The following SETD2 variants were observed in gnomAD, a reference collection of about 807,000 sequenced individuals.
SETD2 encodes the protein histone-lysine N-methyltransferase SETD2.
A neutral mutation model predicts 242.1 loss-of-function variants in SETD2; 31 were observed. The ratio of observed to expected loss-of-function variants is 0.13; its 90% CI spans 0.10 to 0.17. The LOEUF (loss-of-function observed/expected upper bound fraction) is 0.17. SETD2 is among the 10% of genes least tolerant of loss of function. The probability of loss-of-function intolerance (pLI) is 1.00; values close to 1 mark genes in which losing one functional copy is unlikely to be tolerated. For synonymous variants in SETD2, 1,006 were observed against 1,066.5 expected (o/e 0.94, Z 1.11); for missense variants, 2,481 against 3,046.3 (o/e 0.81, Z 4.37).
intron 18 of SETD2, among the ~76,000 whole-genome samples, chr3:47,033,653 T>C (rs2038875246): frequency 9.8e-5 from 1 of 10,160 alleles, no homozygotes; most frequent in African/African-American, 1.4e-4. Context: ...CATGGTTTGA[T>C]TTTTTTTTTT....
intron 15 of SETD2, among the ~76,000 whole-genome samples, chr3:47,056,491 G>A (rs1286995005): frequency 1.3e-5 from 2 of 152,086 alleles, no homozygotes; most frequent in Non-Finnish European, 2.9e-5. Context: ...TGGGAGAAAT[G>A]GAGGCCTGCT....
intron 12 of SETD2, among the ~76,000 whole-genome samples, chr3:47,072,402 G>T (rs1279854820): frequency 6.6e-6 from 1 of 151,938 alleles, no homozygotes; most frequent in Admixed American, 6.6e-5. Flanking sequence ...ATTTATTTTT[G>T]AAAACTAAGA....
At chr3:47,063,733 C>T (rs1186342352) in intron 13 of SETD2, among the ~76,000 whole-genome samples, 1 of 152,084 alleles carries the variant, frequency 6.6e-6, no homozygotes, top group Non-Finnish European at 1.5e-5. Context: ...GCTTGTAATC[C>T]CAGCACTTTG....
chr3:47,031,828 A>G (rs768117351), intron 18 of SETD2, among the ~76,000 whole-genome samples: 1 of 152,218 alleles, frequency 6.6e-6, no homozygotes, highest in Non-Finnish European at 1.5e-5. Flanking sequence ...AGTTAAACTG[A>G]GAAAAAATAA....
chr3:47,089,160 G>A (rs1395085825), intron 9 of SETD2, among the ~76,000 whole-genome samples: 2 of 152,168 alleles, frequency 1.3e-5, no homozygotes, highest in Non-Finnish European at 2.9e-5. Flanking sequence ...AAACAGGCAA[G>A]GATGACCGGG....
intron 1 of SETD2, among the ~76,000 whole-genome samples, chr3:47,156,494 G>A (rs1344974722): frequency 6.6e-6 from 1 of 152,144 alleles, no homozygotes; most frequent in African/African-American, 2.4e-5. Context: ...GTCAATAAAA[G>A]GAGAATGGTA....
chr3:47,127,377 C>A (rs763934277), intron 1 of SETD2, among the ~76,000 whole-genome samples: 1 of 149,900 alleles, frequency 6.7e-6, no homozygotes, highest in African/African-American at 2.4e-5. Flanking sequence ...CCTGAAGAGA[C>A]GATTCGTTTT....
chr3:47,121,788 G>A lies in SETD2; in HGVS notation c.2848C>T (p.Arg950Cys), dbSNP rs372092336. The A allele has an allele frequency of 3.0e-5, 49 of 1,613,890 alleles. No individual in the cohort carries two copies. The highest frequency in any genetic ancestry group is 1.5e-4 in the African/African-American group (11 of 74,950). Residue 950 changes from arginine to cysteine, a missense_variant, in exon 3 of 21, where the codon CGT becomes TGT. By Grantham distance (180) the Arg-to-Cys change is radical (BLOSUM62 -3). Transcript: ENST00000409792. The stretch of plus-strand genomic sequence containing the variant: ...CATTTCCCAGATAACCCATTATTAC[G>A]CCTGTTCTCCCTGGAAGCAAATCCC... ...GKGFASRENR[R>C]NNGLSGKCLQ...
chr3:47,125,213 G>T (rs1040762545), intron 2 of SETD2, among the ~76,000 whole-genome samples: 1 of 152,038 alleles, frequency 6.6e-6, no homozygotes, highest in African/African-American at 2.4e-5. Context: ...CAGCTACTTG[G>T]GAGGCTGAGG....
At chr3:47,072,894 C>T (rs1378287804) in intron 12 of SETD2, among the ~76,000 whole-genome samples, 2 of 150,142 alleles carry the variant, frequency 1.3e-5, no homozygotes, top group Admixed American at 1.3e-4. Context: ...TTGCAGTGAG[C>T]CGAGATCTTG....
At chr3:47,072,467 C>T (rs2040866454) in intron 12 of SETD2, among the ~76,000 whole-genome samples, 1 of 151,950 alleles carries the variant, frequency 6.6e-6, no homozygotes, top group Non-Finnish European at 1.5e-5. Flanking sequence ...TATAGGCCAA[C>T]CAAACCTTTT....
At chr3:47,071,730 AG>A (rs1317485417) in intron 12 of SETD2, among the ~76,000 whole-genome samples, 2 of 152,154 alleles carry the variant, frequency 1.3e-5, no homozygotes, top group Non-Finnish European at 2.9e-5. Context: ...AACTCGAAAT[AG>A]TATGTTCCAT....
At chr3:47,026,208 T>C (rs1316195102) in intron 18 of SETD2, among the ~76,000 whole-genome samples, 3 of 151,482 alleles carry the variant, frequency 2.0e-5, no homozygotes, top group Non-Finnish European at 2.9e-5. Context: ...GAAAAAATGA[T>C]CATCATCACT....
At position 47,121,253 on chromosome 3, in the gene SETD2, G is replaced by C. The variant is rs771624180; in HGVS notation, c.3383C>G (p.Thr1128Ser). The change falls in exon 3 of 21, where the codon ACT becomes AGT. Residue 1128 changes from threonine to serine, a missense_variant. Thr to Ser is a moderately conservative substitution (Grantham distance 58). This residue lies in a region of SETD2 where 1,300 missense variants were observed against 1,259.2 expected (regional missense o/e 1.03). Transcript: ENST00000409792. ...ESIASKACPQTDKFFLHKGTE... is the reference protein window; with the variant it reads ...ESIASKACPQSDKFFLHKGTE... ...TCCTTTATGAAGGAAAAACTTATCA[G>C]TTTGAGGACAGGCTTTACTTGCTAT... The C allele has an allele frequency of 1.6e-5, 26 of 1,613,912 alleles. No individual in the cohort carries two copies. The highest frequency in any genetic ancestry group is 2.2e-5 in the Non-Finnish European group (26 of 1,180,030).
chr3:47,098,098 G>A lies in SETD2; in HGVS notation c.5016-17C>T, dbSNP rs2042074766. 2 of 1,613,186 alleles carry A rather than the reference G, an allele frequency of 1.2e-6. No homozygotes were observed. The highest frequency in any genetic ancestry group is 8.5e-7 in the Non-Finnish European group (1 of 1,179,476). Reference sequence around the variant, plus strand: ...GCTTCTTTTCTGTTCAAAGAGCATAGGAAAGAAGTCAGCTATGTGGAAGTA... The same window carrying A: ...GCTTCTTTTCTGTTCAAAGAGCATAAGAAAGAAGTCAGCTATGTGGAAGTA... On this transcript the variant is annotated splice_polypyrimidine_tract_variant and intron_variant, in intron 8 of 20. Transcript: ENST00000409792.
At position 47,121,129 on chromosome 3, in the gene SETD2, A is replaced by C. The variant is rs2106640517; in HGVS notation, c.3507T>G (p.Asp1169Glu). Reference sequence around the variant, plus strand: ...ATTTCACATCTGTATGACTTGTACTATCAACCCCATCACTCTGAGGATGAG... The same window carrying C: ...ATTTCACATCTGTATGACTTGTACTCTCAACCCCATCACTCTGAGGATGAG... ...ELSHPQSDGV[D>E]STSHTDVKSD... Residue 1169 changes from aspartate (D) to glutamate (E), a missense_variant, in exon 3 of 21, where the codon GAT becomes GAG. Asp to Glu is a conservative substitution (Grantham distance 45, BLOSUM62 2). Transcript: ENST00000409792. 1 of 1,614,146 alleles carries C rather than the reference A, an allele frequency of 6.2e-7. No individual in the cohort carries two copies. The highest frequency in any genetic ancestry group is 8.5e-7 in the Non-Finnish European group (1 of 1,180,024).
chr3:47,157,617 T>C (rs2044156262), intron 1 of SETD2: 5 of 449,312 alleles, frequency 1.1e-5, no homozygotes, highest in Non-Finnish European at 2.2e-5. Flanking sequence ...CTCATGCCTG[T>C]AATCCCAGCA....
intron 9 of SETD2, among the ~76,000 whole-genome samples, chr3:47,095,785 C>G (rs2041983641): frequency 6.6e-6 from 1 of 150,644 alleles, no homozygotes; most frequent in African/African-American, 2.4e-5. Flanking sequence ...TTCAAATGAC[C>G]ATCATGCAGA....
At chr3:47,072,360 T>C (rs758570840) in intron 12 of SETD2, among the ~76,000 whole-genome samples, 6 of 152,168 alleles carry the variant, frequency 3.9e-5, no homozygotes, top group South Asian at 2.1e-4. Flanking sequence ...TTTTGTTATA[T>C]AGAGATCAGA....
Sources: gnomAD v4.1 joint callset for allele counts (sites outside exome capture counted in the v4.1 genomes callset) on GRCh38, gnomAD v4.1.1 for gene constraint, gnomAD v4.1.1 regional missense constraint, MANE v1.5 for transcripts, NCBI Gene and HGNC (gene_info 2026-07-23, HGNC 2026-07-21) for gene names.